The following LECT2 variants were observed in gnomAD, a reference collection of about 807,000 sequenced individuals.
The protein encoded by LECT2 is leukocyte cell derived chemotaxin 2.
LECT2 carries 11 observed loss-of-function variants against 16.6 expected under a neutral mutation model. The ratio of observed to expected loss-of-function variants is 0.66; its 90% CI spans 0.42 to 1.09. The LOEUF is 1.09. Ranked by LOEUF, LECT2 falls within the 50% of genes least tolerant of loss-of-function variation. The probability of loss-of-function intolerance (pLI) is 0.00; values close to 1 mark genes in which losing one functional copy is unlikely to be tolerated. For synonymous variants in LECT2, 54 were observed against 64.8 expected, an observed-to-expected ratio of 0.83 and a Z score of 0.80; for missense variants, 173 against 184.2, an observed-to-expected ratio of 0.94 and a Z score of 0.35.
chr5:135,948,439 CAT>C (rs1292271455), intron 3 of LECT2, among the ~76,000 whole-genome samples: 2 of 152,054 alleles, frequency 1.3e-5, no homozygotes, highest in East Asian at 3.9e-4. Context: ...CCACTAGCCA[CAT>C]GTGGTTATGC....
At position 135,947,822 on chromosome 5, in the gene LECT2, A is replaced by G. The variant is rs1272472237; in HGVS notation, c.290-325T>C. On this transcript the variant is annotated intron_variant, in intron 3 of 3. Coordinates refer to ENST00000274507, the MANE Select transcript of LECT2 (RefSeq NM_002302.3). ...TTGGACTTTAGAGATAAAGAAAAATAGAAATAACTGGAACAAAAATACAAA... is the reference window on the plus strand; with the variant it reads ...TTGGACTTTAGAGATAAAGAAAAATGGAAATAACTGGAACAAAAATACAAA... 2.0e-5 allele frequency among the ~76,000 whole-genome samples: 3 copies of G among 151,922 alleles called. No individual in the cohort carries two copies. The East Asian group carries it at 5.8e-4, about 29-fold the overall frequency.
At chr5:135,953,206 A>G in intron 1 of LECT2, 2 of 319,176 alleles carry the variant, frequency 6.3e-6, no homozygotes, top group Non-Finnish European at 5.8e-6. Flanking sequence ...AGTGAATACA[A>G]TTTTTTTTTT....
Position 135,951,309 on chromosome 5 carries a change from G to T in LECT2, c.203C>A (p.Ala68Glu), listed in dbSNP as rs756452507. 6.2e-7 allele frequency: 1 copy of T among 1,613,646 alleles called. No homozygotes were observed. The highest frequency in any genetic ancestry group is 1.3e-5 in the African/African-American group (1 of 74,898). The change falls in exon 3 of 4, where the codon GCA becomes GAA. Residue 68 changes from alanine (A) to glutamate (E), a missense_variant. By Grantham distance (107) the Ala-to-Glu change is moderately radical. Coordinates refer to ENST00000274507, the MANE Select transcript of LECT2 (RefSeq NM_002302.3). ...ILCSAGSTVY[A>E]PFTGMIVGQE... ...GCCCACAATCATTCCAGTGAATGGT[G>T]CGTACACAGTAGATCCAGCAGAGCA...
intron 3 of LECT2, among the ~76,000 whole-genome samples, chr5:135,948,707 C>G (rs1364996752): frequency 4.7e-5 from 7 of 148,752 alleles, no homozygotes; most frequent in Non-Finnish European, 7.4e-5. Context: ...CGGAGTCTTG[C>G]TGTGTCACCC....
intron 2 of LECT2, 70 bp downstream of exon 2, chr5:135,952,801 G>T (rs1280077276): frequency 1.8e-6 from 2 of 1,096,982 alleles, no homozygotes; most frequent in African/African-American, 3.1e-5. Context: ...GGCAACCAAC[G>T]TTGGGCAAGG....
rs754196634 is a variant in LECT2 at position 135,947,353 on chromosome 5, C to G, written c.434G>C (p.Ser145Thr). The part of the protein sequence containing the change: ...SHVHIENCDS[S>T]DPTAYL ...GATTTACAGGTATGCAGTAGGGTCA[C>G]TCGAGTCACAGTTTTCAATGTGCAC... Residue 145 changes from serine (S) to threonine (T), a missense_variant, in exon 4 of 4, where the codon AGT becomes ACT. Coordinates refer to ENST00000274507, the MANE Select transcript of LECT2 (RefSeq NM_002302.3). 1 of 1,613,790 alleles carries G rather than the reference C, an allele frequency of 6.2e-7. No homozygotes were observed. Among genetic ancestry groups the G allele is most frequent in the African/African-American group, 1.3e-5 (1 of 74,908 alleles).
At chr5:135,951,467 C>T in intron 2 of LECT2, 99 bp from the exon 3 acceptor site, 1 of 1,183,114 alleles carries the variant, frequency 8.5e-7, no homozygotes, top group Admixed American at 2.2e-5. Flanking sequence ...GACGAGGTAC[C>T]AAAGCTTGAA....
chr5:135,952,202 T>C (rs1323266353), intron 2 of LECT2, among the ~76,000 whole-genome samples: 1 of 152,222 alleles, frequency 6.6e-6, no homozygotes, highest in Non-Finnish European at 1.5e-5. Flanking sequence ...GTATTTGAGG[T>C]TGCTTTGTAA....
chr5:135,954,891 G>T lies in LECT2; in HGVS notation c.-58C>A. ...TTAGAGTTGCCCCCACACTCTCTTT[G>T]AAGAATATTCAAGTTTGAATGAATA... On this transcript the variant is annotated 5_prime_UTR_variant, in exon 1 of 4. Coordinates refer to ENST00000274507, the MANE Select transcript of LECT2 (RefSeq NM_002302.3). 2.4e-6 allele frequency: 3 copies of T among 1,255,066 alleles called. No homozygotes were observed. Among genetic ancestry groups the T allele is most frequent in the Non-Finnish European group, 3.5e-6 (3 of 856,284 alleles). The allele number at this position is 1,255,066 out of a possible 1,614,324, so 77.7% of individuals were successfully genotyped here.
intron 3 of LECT2, 107 bp from the exon 4 acceptor site, chr5:135,947,604 C>T (rs1763723628): frequency 8.2e-7 from 1 of 1,218,336 alleles, no homozygotes. Flanking sequence ...GTTGAATGAA[C>T]TCAGGAGAGG....
At chr5:135,950,322 G>A (rs1057075058) in intron 3 of LECT2, among the ~76,000 whole-genome samples, 1 of 152,114 alleles carries the variant, frequency 6.6e-6, no homozygotes, top group African/African-American at 2.4e-5. Flanking sequence ...ATCACGATGT[G>A]GAATGAAAGA....
In LECT2 at chr5:135,947,418, T is replaced by G. The variant is rs1426725468; in HGVS notation, c.369A>C (p.Leu123=). The G allele has an allele frequency of 6.2e-7, 1 of 1,613,996 alleles. No individual in the cohort carries two copies. The highest frequency in any genetic ancestry group is 2.2e-5 in the East Asian group (1 of 44,884). The change falls in exon 4 of 4, where the codon CTA becomes CTC. Residue 123 remains leucine, a synonymous_variant. Transcript: ENST00000274507. ...PIKKGEKLGT[L]LPLQKVYPGI... is the part of the protein sequence containing the mutation. ...CAGGATAAACTTTCTGCAAGGGCAATAGAGTTCCAAGTTTTTCTCCCTTCT... is the reference window on the plus strand; with the variant it reads ...CAGGATAAACTTTCTGCAAGGGCAAGAGAGTTCCAAGTTTTTCTCCCTTCT...
chr5:135,947,403 T>C lies in LECT2; in HGVS notation c.384A>G (p.Lys128=), dbSNP rs1452952600. Residue 128 remains lysine (K), a synonymous_variant, in exon 4 of 4, where the codon AAA becomes AAG. Coordinates refer to ENST00000274507, the MANE Select transcript of LECT2 (RefSeq NM_002302.3). ...CATGCGATTGTATGCCAGGATAAAC[T>C]TTCTGCAAGGGCAATAGAGTTCCAA... is the stretch of plus-strand genomic sequence containing the variant. ...EKLGTLLPLQ[K]VYPGIQSHVH... 1.9e-6 allele frequency: 3 copies of C among 1,614,004 alleles called. No homozygotes were observed. The highest frequency in any genetic ancestry group is 1.7e-5 in the Admixed American group (1 of 60,008).
At chr5:135,950,823 G>T (rs31518) in intron 3 of LECT2, 105,461 of 237,664 alleles carry the variant, frequency 0.44, 23,840 homozygotes, top group Middle Eastern at 0.49. Flanking sequence ...AGGAAGGAAT[G>T]CCTCCAATCA....
Position 135,952,914 on chromosome 5 carries a change from G to A in LECT2, c.100C>T (p.Arg34Trp), listed in dbSNP as rs774252570. 1.9e-6 allele frequency: 3 copies of A among 1,614,070 alleles called. No individual in the cohort carries two copies. The highest frequency in any genetic ancestry group is 2.5e-6 in the Non-Finnish European group (3 of 1,179,930). The change falls in exon 2 of 4, where the codon CGG (arginine) becomes TGG (tryptophan). Residue 34 changes from arginine to tryptophan, a missense_variant. Physicochemically the swap from Arg to Trp is moderately radical, Grantham distance 101. Coordinates refer to ENST00000274507, the MANE Select transcript of LECT2 (RefSeq NM_002302.3). The stretch of plus-strand genomic sequence containing the variant: ...CCACAGCCATGGCGGTCACACGTCC[G>A]GATCTCATTGGAAGACTTGCCAGCA... Reference protein sequence around the residue: ...ICAGKSSNEIRTCDRHGCGQY... With the variant: ...ICAGKSSNEIWTCDRHGCGQY...
Position 135,952,915 on chromosome 5 carries a change from G to T in LECT2, c.99C>A (p.Ile33=). 1 of 1,614,126 alleles carries T rather than the reference G, an allele frequency of 6.2e-7. No homozygotes were observed. Among genetic ancestry groups the T allele is most frequent in the Non-Finnish European group, 8.5e-7 (1 of 1,179,972 alleles). ...NICAGKSSNE[I]RTCDRHGCGQ... is the part of the protein sequence containing the mutation. ...CACAGCCATGGCGGTCACACGTCCG[G>T]ATCTCATTGGAAGACTTGCCAGCAC... Residue 33 remains isoleucine (I), a synonymous_variant, in exon 2 of 4, where the codon ATC becomes ATA. Transcript: ENST00000274507.
intron 3 of LECT2, 73 bp downstream of exon 3, chr5:135,951,150 T>G (rs767434779): frequency 1.4e-6 from 2 of 1,399,500 alleles, no homozygotes; most frequent in African/African-American, 2.8e-5. Context: ...TCTCTACGTA[T>G]GGAACCTGCA....
rs561165258 is a variant in LECT2, at chr5:135,952,758, G to T, written c.143+113C>A. On this transcript the variant is annotated intron_variant, in intron 2 of 3. Transcript: ENST00000274507. The stretch of plus-strand genomic sequence containing the variant: ...AGTGATGTAACTGGTTACATCTCTG[G>T]TTTTTCATGCTGTCAGAACTGTGAG... 25 of 672,670 alleles carry T rather than the reference G, an allele frequency of 3.7e-5. No individual in the cohort carries two copies. In the African/African-American group the frequency reaches 4.1e-4, roughly 11 times the overall value. The allele number at this position is 672,670 out of a possible 1,614,324, so 41.7% of individuals were successfully genotyped here.
rs147639774 is a variant in LECT2 at position 135,948,974 on chromosome 5, C to G, written c.290-1477G>C. On this transcript the variant is annotated intron_variant, in intron 3 of 3. Transcript: ENST00000274507. ...ACAGGCACGAGCCACCGTGCCCAGC[C>G]GAAAATTTAAAATTATATATATGAC... 5.9e-4 allele frequency among the ~76,000 whole-genome samples: 90 copies of G among 152,072 alleles called. 1 individual carries two copies. Among genetic ancestry groups the G allele is most frequent in the African/African-American group, 2.1e-3 (88 of 41,474 alleles).
Sources: gnomAD v4.1 joint callset for allele counts (sites outside exome capture counted in the v4.1 genomes callset) on GRCh38, gnomAD v4.1.1 for gene constraint, MANE v1.5 for transcripts, NCBI Gene and HGNC (gene_info 2026-07-23, HGNC 2026-07-21) for gene names.